The following MANBA variants were observed in gnomAD, a reference collection of about 807,000 sequenced individuals.
MANBA encodes mannosidase beta.
A neutral mutation model predicts 111.1 loss-of-function variants in MANBA; 83 were observed. The observed-to-expected ratio is 0.75, with a 90% CI of 0.63 to 0.90. The LOEUF is 0.90. Among genes scored for constraint, MANBA ranks in the 40% least tolerant of loss-of-function variants. The pLI, the probability that MANBA is intolerant of heterozygous loss-of-function variation, is 0.00. For synonymous variants in MANBA, 370 were observed against 378.7 expected, an observed-to-expected ratio of 0.98 and a Z score of 0.27; for missense variants, 1,036 against 1,069.0, an observed-to-expected ratio of 0.97 and a Z score of 0.43.
At chr4:102,713,909 A>G (rs1722203218) in intron 5 of MANBA, among the ~76,000 whole-genome samples, 1 of 151,760 alleles carries the variant, frequency 6.6e-6, no homozygotes, top group Admixed American at 6.6e-5. Flanking sequence ...AAAAAAAAAA[A>G]AAAAAAGAAA....
intron 5 of MANBA, among the ~76,000 whole-genome samples, chr4:102,710,849 T>C (rs1292737557): frequency 6.6e-6 from 1 of 152,082 alleles, no homozygotes; most frequent in Non-Finnish European, 1.5e-5. Context: ...AGAACATGCA[T>C]TGGAGAAAGA....
At chr4:102,729,320 T>C (rs2110198134) in intron 1 of MANBA, 2 of 755,014 alleles carry the variant, frequency 2.6e-6, no homozygotes, top group East Asian at 4.9e-5. Context: ...TCCTCATCCT[T>C]GATCTGGTAC....
In MANBA at chr4:102,733,446, G is replaced by A. The variant is rs116268449; in HGVS notation, c.178-6763C>T. ...ATGGTTCACTACAGCCTCAACCTCC[G>A]GGGCTCAAGCAACCCTCCCAGCTCA... On this transcript the variant is annotated intron_variant, in intron 1 of 16. Transcript: ENST00000647097. 6.1e-3 allele frequency among the ~76,000 whole-genome samples: 918 copies of A among 151,338 alleles called. 15 individuals carry two copies. The highest frequency in any genetic ancestry group is 0.021 in the African/African-American group (879 of 41,162).
At chr4:102,739,924 G>A (rs534924780) in intron 1 of MANBA, among the ~76,000 whole-genome samples, 1 of 152,252 alleles carries the variant, frequency 6.6e-6, no homozygotes, top group East Asian at 1.9e-4. Context: ...TTTGACATAG[G>A]ACTGGAAGAC....
intron 11 of MANBA, among the ~76,000 whole-genome samples, chr4:102,663,552 A>G: frequency 6.6e-6 from 1 of 152,260 alleles, no homozygotes. Context: ...ATGTCTTAGT[A>G]TATCAGGTAA....
At chr4:102,719,296 G>A (rs1466712851) in intron 4 of MANBA, among the ~76,000 whole-genome samples, 1 of 152,190 alleles carries the variant, frequency 6.6e-6, no homozygotes, top group East Asian at 1.9e-4. Context: ...CTTTCTGCAA[G>A]AAGATAAATA....
intron 13 of MANBA, among the ~76,000 whole-genome samples, chr4:102,642,621 A>G (rs1729931531): frequency 6.6e-6 from 1 of 152,122 alleles, no homozygotes. Context: ...AGAAGAAAAG[A>G]AAAAAATGCC....
rs2293995 is a variant in MANBA at position 102,639,949 on chromosome 4, T to C, written c.1870-92A>G. ...ATACAGGGTTTAGTTTTGTTTTGGG[T>C]TTTTTCTTTTTGGAGCAATTTGGAT... On this transcript the variant is annotated intron_variant, in intron 13 of 16. Coordinates refer to ENST00000647097, the MANE Select transcript of MANBA (RefSeq NM_005908.4). 71,102 of 1,435,062 alleles carry C rather than the reference T, an allele frequency of 0.05. 2,247 individuals are homozygous for C. Among genetic ancestry groups the C allele is most frequent in the East Asian group, 0.11 (4,700 of 43,804 alleles). The allele number at this position is 1,435,062 out of a possible 1,614,324, so 88.9% of individuals were successfully genotyped here. A position where few individuals can be genotyped will look rare whatever the true frequency, so the allele number is the denominator to read the frequency against.
chr4:102,727,221 C>T, intron 1 of MANBA: 2 of 429,304 alleles, frequency 4.7e-6, no homozygotes, highest in South Asian at 4.7e-5. Context: ...CTGGAAGATG[C>T]TAAATGATAG....
intron 13 of MANBA, among the ~76,000 whole-genome samples, chr4:102,644,542 T>C (rs565262020): frequency 1.4e-4 from 22 of 152,184 alleles, no homozygotes; most frequent in African/African-American, 5.3e-4. Context: ...TACTACATGA[T>C]CTCACGTATA....
At chr4:102,753,107 G>A (rs535039369) in intron 1 of MANBA, among the ~76,000 whole-genome samples, 2 of 152,188 alleles carry the variant, frequency 1.3e-5, no homozygotes, top group Admixed American at 1.3e-4. Flanking sequence ...ATAATGGGGT[G>A]TATGAAGCTA....
At chr4:102,643,857 G>T (rs937421452) in intron 13 of MANBA, among the ~76,000 whole-genome samples, 1 of 151,924 alleles carries the variant, frequency 6.6e-6, no homozygotes, top group Non-Finnish European at 1.5e-5. Flanking sequence ...TCATTTTCTC[G>T]ATAGCGTCTT....
intron 1 of MANBA, 67 bp from the exon 2 acceptor site, chr4:102,726,750 A>G (rs1370826212): frequency 3.6e-6 from 3 of 826,048 alleles, no homozygotes; most frequent in Non-Finnish European, 6.3e-6. Flanking sequence ...TAAAACAAAC[A>G]TAAAATAAAT....
intron 4 of MANBA, among the ~76,000 whole-genome samples, chr4:102,718,385 G>A (rs942551159): frequency 6.6e-6 from 1 of 152,136 alleles, no homozygotes; most frequent in Non-Finnish European, 1.5e-5. Flanking sequence ...AAATAGATTT[G>A]TTATGGAAGA....
At chr4:102,688,797 G>C (rs1732340348) in intron 7 of MANBA, among the ~76,000 whole-genome samples, 1 of 152,046 alleles carries the variant, frequency 6.6e-6, no homozygotes. Flanking sequence ...TGAAAAATCA[G>C]AAAACACCAG....
Position 102,656,269 on chromosome 4 carries a change from A to C in MANBA, c.1704+1413T>G, listed in dbSNP as rs552808058. Among the ~76,000 whole-genome samples, 8 of 152,268 alleles carry C rather than the reference A, an allele frequency of 5.3e-5. No homozygotes were observed. The South Asian group carries it at 1.7e-3, about 32-fold the overall frequency. ...ACCCTGTCTCTATTTAAAAAACAAA[A>C]TGGCTAAAGGATTTGAACAGACATT... On this transcript the variant is annotated intron_variant, in intron 12 of 16. Transcript: ENST00000647097.
intron 13 of MANBA, among the ~76,000 whole-genome samples, chr4:102,649,142 A>G (rs1730221961): frequency 6.6e-6 from 1 of 152,084 alleles, no homozygotes; most frequent in African/African-American, 2.4e-5. Context: ...CAATTTGTTT[A>G]TAAATTCTCC....
intron 5 of MANBA, among the ~76,000 whole-genome samples, chr4:102,710,108 A>G (rs970073069): frequency 1.3e-5 from 2 of 152,146 alleles, no homozygotes; most frequent in Non-Finnish European, 2.9e-5. Context: ...AATGGGAAAA[A>G]GATGCCCACG....
chr4:102,663,242 C>A (rs1013704513), intron 11 of MANBA, among the ~76,000 whole-genome samples: 2 of 151,550 alleles, frequency 1.3e-5, no homozygotes, highest in African/African-American at 4.8e-5. Context: ...CTCACTTAGT[C>A]CACATAACAG....
Sources: allele counts gnomAD v4.1 joint callset (sites outside exome capture counted in the v4.1 genomes callset), GRCh38; gene constraint gnomAD v4.1.1; transcripts MANE v1.5; gene names NCBI Gene and HGNC (gene_info 2026-07-23, HGNC 2026-07-21).